The following PTPRB variants were observed in gnomAD, a reference collection of about 807,000 sequenced individuals.
The protein encoded by PTPRB is protein tyrosine phosphatase receptor type B.
In PTPRB, 97 loss-of-function variants were observed where a neutral mutation model predicts 238.1. The ratio of observed to expected loss-of-function variants is 0.41; its 90% CI spans 0.35 to 0.48. The LOEUF (loss-of-function observed/expected upper bound fraction) is 0.48. Ranked by LOEUF, PTPRB falls within the 20% of genes least tolerant of loss-of-function variation. The probability of loss-of-function intolerance (pLI) is 0.30; values close to 1 mark genes in which losing one functional copy is unlikely to be tolerated. For missense variants in PTPRB, 2,292 were observed against 2,681.9 expected (o/e 0.85, Z 3.21); for synonymous variants, 970 against 995.4 (o/e 0.97, Z 0.48).
chr12:70,538,662 T>C, intron 27 of PTPRB: 2 of 522,782 alleles, frequency 3.8e-6, no homozygotes, highest in South Asian at 5.2e-5. Context: ...ATTTACTGCT[T>C]AGCCTCCAAA....
Position 70,576,665 on chromosome 12 carries a change from G to C in PTPRB, c.2579-20C>G, listed in dbSNP as rs1370504085. 64 of 287,398 alleles carry C rather than the reference G, an allele frequency of 2.2e-4. 1 individual carries two copies. The East Asian group carries it at 6.5e-3, about 29-fold the overall frequency. The allele number at this position is 287,398 out of a possible 1,614,324, so 17.8% of individuals were successfully genotyped here. On this transcript the variant is annotated intron_variant, in intron 10 of 33. Transcript: ENST00000334414. ...AAGGGACTGTGATTTTGAAAGGTGG[G>C]GGGCGGGGGGGGGGGGGAAGGGGGA...
At chr12:70,611,637 C>T (rs374142713) in intron 3 of PTPRB, among the ~76,000 whole-genome samples, 1 of 152,118 alleles carries the variant, frequency 6.6e-6, no homozygotes. Context: ...TTTAAAAATA[C>T]CTCTTAATGA....
Position 70,544,675 on chromosome 12 carries a change from A to G in PTPRB, c.5388-12T>C. On this transcript the variant is annotated splice_polypyrimidine_tract_variant and intron_variant, in intron 21 of 33. Coordinates refer to ENST00000334414, the MANE Select transcript of PTPRB (RefSeq NM_001109754.4). Reference sequence around the variant, plus strand: ...CTCGAATGCTGATTCTGAAAAGAAAACCGATTTATTTAAATATAAATTAGT... The same window carrying G: ...CTCGAATGCTGATTCTGAAAAGAAAGCCGATTTATTTAAATATAAATTAGT... 2 of 1,535,686 alleles carry G rather than the reference A, an allele frequency of 1.3e-6. No individual in the cohort carries two copies. Among genetic ancestry groups the G allele is most frequent in the Non-Finnish European group, 1.8e-6 (2 of 1,138,856 alleles).
Position 70,536,058 on chromosome 12 carries a change from G to C in PTPRB, c.6048C>G (p.Ile2016Met). 1 of 1,613,782 alleles carries C rather than the reference G, an allele frequency of 6.2e-7. No individual in the cohort carries two copies. ...KMVWEQNVHN[I>M]VMVTQCVEKG... ...TCTCAACACACTGGGTCACCATGAC[G>C]ATGTTGTGAACGTTTTGTTCCCACA... is the stretch of plus-strand genomic sequence containing the variant. The change falls in exon 29 of 34, where the codon ATC becomes ATG. Residue 2016 changes from isoleucine (I) to methionine (M), a missense_variant. Around this residue, in one of 4 missense-constraint regions of PTPRB, gnomAD observed 397 missense variants for 502.0 expected, o/e 0.79. Transcript: ENST00000334414.
chr12:70,535,041 A>C (rs1314698985), intron 29 of PTPRB, 86 bp from the exon 30 acceptor site: 1 of 1,452,654 alleles, frequency 6.9e-7, no homozygotes, highest in East Asian at 2.3e-5. Flanking sequence ...AATGTCTTCC[A>C]AAGTTAGGAA....
At position 70,556,060 on chromosome 12, in the gene PTPRB, A is replaced by T; in HGVS notation, c.4803T>A (p.Asp1601Glu). Residue 1601 changes from aspartate to glutamate, a missense_variant, in exon 19 of 34, where the codon GAT becomes GAA. Coordinates refer to ENST00000334414, the MANE Select transcript of PTPRB (RefSeq NM_001109754.4). Reference protein sequence around the residue: ...CSWIPPDSDFDGYSIECRKMD... With the variant: ...CSWIPPDSDFEGYSIECRKMD... Reference sequence around the variant, plus strand: ...TTTTCCGGCATTCAATACTATAACCATCAAAGTCAGAATCAGGAGGGATCC... The same window carrying T: ...TTTTCCGGCATTCAATACTATAACCTTCAAAGTCAGAATCAGGAGGGATCC... The T allele has an allele frequency of 6.2e-7, 1 of 1,613,856 alleles. No homozygotes were observed.
At chr12:70,636,951 C>T (rs891238291) in intron 1 of PTPRB, among the ~76,000 whole-genome samples, 5 of 152,152 alleles carry the variant, frequency 3.3e-5, no homozygotes, top group African/African-American at 7.2e-5. Context: ...TTCCTCACCC[C>T]CTTTAATCAT....
Position 70,572,422 on chromosome 12 carries a change from C to A in PTPRB, c.2843-335G>T, listed in dbSNP as rs1481609232. Among the ~76,000 whole-genome samples the A allele has an allele frequency of 2.0e-5, 3 of 152,050 alleles. No homozygotes were observed. In the East Asian group the frequency reaches 5.8e-4, roughly 29 times the overall value. ...ATATAGATAATTCCAACATACCTTGCTGACTCAAAAGTTACTAAGAAGAAT... is the reference window on the plus strand; with the variant it reads ...ATATAGATAATTCCAACATACCTTGATGACTCAAAAGTTACTAAGAAGAAT... On this transcript the variant is annotated intron_variant, in intron 11 of 33. Transcript: ENST00000334414.
intron 3 of PTPRB, among the ~76,000 whole-genome samples, chr12:70,619,263 G>T (rs991164043): frequency 3.3e-5 from 5 of 150,966 alleles, no homozygotes; most frequent in Non-Finnish European, 4.4e-5. Flanking sequence ...TTTCAGCTGG[G>T]TATCTATAAA....
At chr12:70,534,378 C>T in intron 31 of PTPRB, 110 bp downstream of exon 31, 1 of 1,285,366 alleles carries the variant, frequency 7.8e-7, no homozygotes. Context: ...GCTGGTTGGT[C>T]CAGACAAATC....
chr12:70,567,291 A>G (rs1008728712), intron 14 of PTPRB, among the ~76,000 whole-genome samples: 11 of 152,210 alleles, frequency 7.2e-5, no homozygotes, highest in African/African-American at 2.7e-4. Context: ...AGTGTCATCC[A>G]TAAGGTGACA....
chr12:70,609,886 G>C (rs1445563211), intron 3 of PTPRB: 1 of 1,444,844 alleles, frequency 6.9e-7, no homozygotes, highest in Non-Finnish European at 9.3e-7. Flanking sequence ...CCGGGGCAGG[G>C]GGTCACCTGT....
chr12:70,550,367 A>G (rs1876698058), intron 21 of PTPRB, among the ~76,000 whole-genome samples: 1 of 152,204 alleles, frequency 6.6e-6, no homozygotes, highest in Non-Finnish European at 1.5e-5. Context: ...TGGAGCAAAT[A>G]CGATTGGAGA....
intron 10 of PTPRB, among the ~76,000 whole-genome samples, chr12:70,579,568 G>T (rs1415386692): frequency 6.6e-6 from 1 of 151,808 alleles, no homozygotes; most frequent in African/African-American, 2.4e-5. Context: ...GTGGTGGTGC[G>T]TGCCTGTAAT....
At chr12:70,527,755 T>G (rs957085736) in intron 32 of PTPRB, 15 of 152,204 alleles carry the variant, frequency 9.9e-5, no homozygotes, top group African/African-American at 2.9e-4. Context: ...TGAAGTTCAC[T>G]GTCACCATGG....
intron 4 of PTPRB, among the ~76,000 whole-genome samples, chr12:70,596,763 T>G (rs1883062313): frequency 6.6e-6 from 1 of 152,208 alleles, no homozygotes; most frequent in Non-Finnish European, 1.5e-5. Flanking sequence ...CTGAACTTCT[T>G]CCTAGGTTGT....
In PTPRB at chr12:70,590,044, A is replaced by T. The variant is rs1318339268; in HGVS notation, c.1970T>A (p.Val657Glu). 5 of 1,613,852 alleles carry T rather than the reference A, an allele frequency of 3.1e-6. No individual in the cohort carries two copies. The highest frequency in any genetic ancestry group is 4.2e-6 in the Non-Finnish European group (5 of 1,179,892). ...TQYVMDDTGL[V>E]PGRQYEVEVI... ...TTCCACCTCATACTGTCTTCCCGGT[A>T]CGAGCCCCGTGTCATCCATGACATA... The change falls in exon 8 of 34, where the codon GTA (valine) becomes GAA (glutamate). Residue 657 changes from valine to glutamate, a missense_variant. This residue lies in a region of PTPRB where 1,205 missense variants were observed against 1,287.8 expected (regional missense o/e 0.94). Transcript: ENST00000334414.
chr12:70,550,733 A>G (rs2136292403), intron 21 of PTPRB, among the ~76,000 whole-genome samples: 1 of 152,182 alleles, frequency 6.6e-6, no homozygotes, highest in African/African-American at 2.4e-5. Context: ...TCTCTTTGAA[A>G]TTTAGTAATG....
At chr12:70,587,762 A>T (rs2136447697) in intron 8 of PTPRB, among the ~76,000 whole-genome samples, 1 of 152,264 alleles carries the variant, frequency 6.6e-6, no homozygotes, top group Non-Finnish European at 1.5e-5. Context: ...CTCAAAATTG[A>T]TTCCTTTAAA....
Sources: allele counts gnomAD v4.1 joint callset (sites outside exome capture counted in the v4.1 genomes callset), GRCh38; gene constraint gnomAD v4.1.1; regional missense constraint gnomAD v4.1.1; transcripts MANE v1.5; gene names NCBI Gene and HGNC (gene_info 2026-07-23, HGNC 2026-07-21).